The following ABHD14A variants were observed in gnomAD, a reference collection of about 807,000 sequenced individuals.
ABHD14A encodes the protein abhydrolase domain containing 14A.
A neutral mutation model predicts 27.0 loss-of-function variants in ABHD14A; 19 were observed. That is an observed-to-expected ratio of 0.70 (90% CI 0.49 to 1.03). The LOEUF (loss-of-function observed/expected upper bound fraction) is 1.03. ABHD14A is among the 50% of genes least tolerant of loss of function. The probability of loss-of-function intolerance (pLI) is 0.00; values close to 1 mark genes in which losing one functional copy is unlikely to be tolerated. For missense variants in ABHD14A, 311 were observed against 344.6 expected (o/e 0.90, Z 0.77); for synonymous variants, 148 against 158.8 (o/e 0.93, Z 0.51).
intron 1 of ABHD14A, among the ~76,000 whole-genome samples, chr3:51,977,065 T>C (rs928779646): frequency 2.6e-5 from 4 of 152,182 alleles, no homozygotes; most frequent in African/African-American, 9.7e-5. Context: ...GGGTGTACCA[T>C]GCTCCTCCCT....
intron 3 of ABHD14A, 95 bp downstream of exon 3, chr3:51,978,469 A>G (rs1035463423): frequency 2.0e-5 from 16 of 805,498 alleles, no homozygotes; most frequent in Admixed American, 3.0e-5. Flanking sequence ...AGGTCACAAC[A>G]TAAGGTGGCA....
rs936444512 is a variant in ABHD14A at position 51,975,110 on chromosome 3, C to T, written c.-26C>T. ...CGCTCCTGGCCGCCTAGAGCCGGAGCGGCCCGCGGAGCTGCGGAGGCAGCC... is the reference window on the plus strand; with the variant it reads ...CGCTCCTGGCCGCCTAGAGCCGGAGTGGCCCGCGGAGCTGCGGAGGCAGCC... On this transcript the variant is annotated 5_prime_UTR_variant, in exon 1 of 5. Transcript: ENST00000273596. The T allele has an allele frequency of 2.3e-6, 3 of 1,287,836 alleles. No homozygotes were observed. The highest frequency in any genetic ancestry group is 2.9e-6 in the Non-Finnish European group (3 of 1,017,360). The allele number at this position is 1,287,836 out of a possible 1,614,324, so 79.8% of individuals were successfully genotyped here.
At chr3:51,979,588 G>T (rs546938389) in intron 3 of ABHD14A, among the ~76,000 whole-genome samples, 25 of 150,530 alleles carry the variant, frequency 1.7e-4, no homozygotes, top group African/African-American at 5.9e-4. Flanking sequence ...GGGTTCAAGC[G>T]ATTCTCCTGC....
intron 1 of ABHD14A, among the ~76,000 whole-genome samples, chr3:51,975,732 T>C (rs778550437): frequency 8.5e-5 from 13 of 152,300 alleles, no homozygotes; most frequent in Middle Eastern, 3.4e-3. Flanking sequence ...CTCTCTGGCT[T>C]CCTGATGCCT....
intron 3 of ABHD14A, 97 bp from the exon 4 acceptor site, chr3:51,980,296 G>A (rs1311876279): frequency 9.4e-7 from 1 of 1,069,056 alleles, no homozygotes; most frequent in Non-Finnish European, 1.4e-6. Context: ...GTGTGTGCCA[G>A]TGCCAGTGGT....
rs932369258 is a variant in ABHD14A, at chr3:51,977,979, T to G, written c.178T>G (p.Ser60Ala). The change falls in exon 2 of 5, where the codon TCC (serine) becomes GCC (alanine). Residue 60 changes from serine (S) to alanine (A), a missense_variant. Physicochemically the swap from Ser to Ala is moderately conservative, Grantham distance 99 (BLOSUM62 1). Transcript: ENST00000273596. ...GCTGCCAGGCCCCCCTGAGCAGACT[T>G]CCTGCCTCTGGGGAGACCCCAATGT... ...VGLPGPPEQT[S>A]CLWGDPNVTV... 6.2e-7 allele frequency: 1 copy of G among 1,613,974 alleles called. No individual in the cohort carries two copies. The highest frequency in any genetic ancestry group is 8.5e-7 in the Non-Finnish European group (1 of 1,180,038).
In ABHD14A at chr3:51,980,491, G is replaced by A. The variant is rs746888908; in HGVS notation, c.496G>A (p.Val166Met). The change falls in exon 4 of 5, where the codon GTG becomes ATG. Residue 166 changes from valine (V) to methionine (M), a missense_variant. Coordinates refer to ENST00000273596, the MANE Select transcript of ABHD14A (RefSeq NM_015407.5). ...ALRDLEVQNA[V>M]LVSPSLSGHY... ...GCGGGACCTGGAGGTACAGAATGCC[G>A]TGTTGGTGAGCCCCTCGCTGAGTGG... The A allele has an allele frequency of 1.1e-5, 17 of 1,613,962 alleles. No homozygotes were observed. The highest frequency in any genetic ancestry group is 2.7e-5 in the African/African-American group (2 of 75,052).
intron 4 of ABHD14A, 52 bp from the exon 5 acceptor site, chr3:51,980,784 G>T: frequency 1.3e-6 from 2 of 1,590,140 alleles, no homozygotes; most frequent in Non-Finnish European, 1.7e-6. Flanking sequence ...GTGGCTTGGG[G>T]GTCAGAAACT....
At position 51,977,974 on chromosome 3, in the gene ABHD14A, A is replaced by G. The variant is rs200168502; in HGVS notation, c.173A>G (p.Gln58Arg). The G allele has an allele frequency of 6.2e-7, 1 of 1,614,094 alleles. No homozygotes were observed. Among genetic ancestry groups the G allele is most frequent in the Non-Finnish European group, 8.5e-7 (1 of 1,180,026 alleles). ...LYVGLPGPPE[Q>R]TSCLWGDPNV... ...GTGGGGCTGCCAGGCCCCCCTGAGC[A>G]GACTTCCTGCCTCTGGGGAGACCCC... is the stretch of plus-strand genomic sequence containing the variant. Residue 58 changes from glutamine to arginine, a missense_variant, in exon 2 of 5, where the codon CAG becomes CGG. Physicochemically the swap from Gln to Arg is conservative, Grantham distance 43. Coordinates refer to ENST00000273596, the MANE Select transcript of ABHD14A (RefSeq NM_015407.5).
intron 3 of ABHD14A, 28 bp downstream of exon 3, chr3:51,978,402 G>A (rs1262483186): frequency 1.3e-6 from 2 of 1,536,322 alleles, no homozygotes; most frequent in African/African-American, 2.7e-5. Context: ...TTTGTCTAGG[G>A]AAGCCTTAAG....
rs936988508 is a variant in ABHD14A at position 51,977,939 on chromosome 3, C to T, written c.138C>T (p.Leu46=). 1.2e-6 allele frequency: 2 copies of T among 1,614,074 alleles called. No homozygotes were observed. The highest frequency in any genetic ancestry group is 1.3e-5 in the African/African-American group (1 of 74,960). ...ALLGLSLLLM[L]LLYVGLPGPP... ...TGGGCCTGAGTCTGCTGCTCATGCTCCTACTGTATGTGGGGCTGCCAGGCC... is the reference window on the plus strand; with the variant it reads ...TGGGCCTGAGTCTGCTGCTCATGCTTCTACTGTATGTGGGGCTGCCAGGCC... The change falls in exon 2 of 5, where the codon CTC becomes CTT. Residue 46 remains leucine, a synonymous_variant. Transcript: ENST00000273596.
intron 1 of ABHD14A, among the ~76,000 whole-genome samples, chr3:51,975,785 T>C (rs1177122637): frequency 1.3e-5 from 2 of 152,206 alleles, no homozygotes; most frequent in Admixed American, 6.5e-5. Flanking sequence ...AAGGGATTAA[T>C]TGCACACGGG....
At chr3:51,979,968 C>A (rs1455903801) in intron 3 of ABHD14A, among the ~76,000 whole-genome samples, 1 of 151,832 alleles carries the variant, frequency 6.6e-6, no homozygotes, top group African/African-American at 2.4e-5. Flanking sequence ...GTCGCCCAGG[C>A]TAGAGTGCAG....
At chr3:51,978,395 G>T (rs1402457726) in intron 3 of ABHD14A, 21 bp downstream of exon 3, 3 of 1,541,394 alleles carry the variant, frequency 1.9e-6, no homozygotes, top group Non-Finnish European at 2.6e-6. Context: ...CCACCCCTTT[G>T]TCTAGGGAAG....
chr3:51,977,612 G>A (rs900942015), intron 1 of ABHD14A, among the ~76,000 whole-genome samples: 1 of 152,266 alleles, frequency 6.6e-6, no homozygotes, highest in Non-Finnish European at 1.5e-5. Flanking sequence ...CTGATGCCAT[G>A]ATGGTGGCGG....
At chr3:51,975,608 C>T (rs1176813718) in intron 1 of ABHD14A, among the ~76,000 whole-genome samples, 1 of 151,786 alleles carries the variant, frequency 6.6e-6, no homozygotes, top group Non-Finnish European at 1.5e-5. Flanking sequence ...TGTCTGCTTT[C>T]CTGTGCATGT....
chr3:51,976,390 G>A (rs1465800156), intron 1 of ABHD14A, among the ~76,000 whole-genome samples: 2 of 152,198 alleles, frequency 1.3e-5, no homozygotes, highest in African/African-American at 4.8e-5. Flanking sequence ...CAATAAAGAT[G>A]TGCTGGCCCG....
In ABHD14A at chr3:51,975,130, G is replaced by T; in HGVS notation, c.-6G>T. ...CGGAGCGGCCCGCGGAGCTGCGGAG[G>T]CAGCCATGGTCGGGGCGCTGTGCGG... On this transcript the variant is annotated 5_prime_UTR_variant, in exon 1 of 5. Coordinates refer to ENST00000273596, the MANE Select transcript of ABHD14A (RefSeq NM_015407.5). 7.7e-7 allele frequency: 1 copy of T among 1,293,286 alleles called. No homozygotes were observed. Among genetic ancestry groups the T allele is most frequent in the Non-Finnish European group, 9.8e-7 (1 of 1,020,464 alleles). 80.1% of individuals were successfully genotyped at this position (1,293,286 alleles called of 1,614,324 possible).
In ABHD14A at chr3:51,978,305, T is replaced by C. The variant is rs1451852541; in HGVS notation, c.328T>C (p.Trp110Arg). 1 of 1,551,718 alleles carries C rather than the reference T, an allele frequency of 6.4e-7. No homozygotes were observed. Among genetic ancestry groups the C allele is most frequent in the South Asian group, 1.2e-5 (1 of 84,064 alleles). The change falls in exon 3 of 5, where the codon TGG becomes CGG. Residue 110 changes from tryptophan (W) to arginine (R), a missense_variant. Transcript: ENST00000273596. ...TGGAAAGGCCTTTAACTCTCACACG[T>C]GGGAGCAGCTGGGCACACTGCAGCT... ...LHGKAFNSHT[W>R]EQLGTLQLLS...
Sources: gnomAD v4.1 joint callset for allele counts (sites outside exome capture counted in the v4.1 genomes callset) on GRCh38, gnomAD v4.1.1 for gene constraint, MANE v1.5 for transcripts, NCBI Gene and HGNC (gene_info 2026-07-23, HGNC 2026-07-21) for gene names.